The following GRM5 variants were observed in gnomAD, a reference collection of about 807,000 sequenced individuals.
GRM5 encodes the protein glutamate metabotropic receptor 5.
GRM5 carries 19 observed loss-of-function variants against 83.1 expected under a neutral mutation model. The ratio of observed to expected loss-of-function variants is 0.23; its 90% CI spans 0.16 to 0.34. The LOEUF (loss-of-function observed/expected upper bound fraction) is 0.34, where lower values mean the gene tolerates loss of function less well. GRM5 is among the 10% of genes least tolerant of loss of function. GRM5 has a pLI of 1.00. For missense variants in GRM5, 1,160 were observed against 1,588.3 expected, an observed-to-expected ratio of 0.73 and a Z score of 4.58; for synonymous variants, 675 against 633.6, an observed-to-expected ratio of 1.07 and a Z score of -0.98.
chr11:88,619,268 A>C (rs1026185349), intron 4 of GRM5, among the ~76,000 whole-genome samples: 1 of 152,232 alleles, frequency 6.6e-6, no homozygotes, highest in African/African-American at 2.4e-5. Flanking sequence ...GATTTCAGAG[A>C]GCATCTACTT....
At chr11:88,587,731 A>G (rs1943346802) in intron 7 of GRM5, among the ~76,000 whole-genome samples, 1 of 152,112 alleles carries the variant, frequency 6.6e-6, no homozygotes, top group Non-Finnish European at 1.5e-5. Context: ...ATCTCTAAAA[A>G]TGCAAGGTCA....
chr11:89,045,211 T>G (rs1296105543), intron 2 of GRM5, among the ~76,000 whole-genome samples: 1 of 152,178 alleles, frequency 6.6e-6, no homozygotes. Flanking sequence ...TCTTTTGTTT[T>G]CCCACAAATA....
At chr11:88,948,800 CA>C (rs1938363035) in intron 2 of GRM5, among the ~76,000 whole-genome samples, 1 of 151,968 alleles carries the variant, frequency 6.6e-6, no homozygotes, top group Non-Finnish European at 1.5e-5. Context: ...GAAAACAATT[CA>C]AAATGCACAA....
chr11:88,556,296 T>C (rs1279822601), intron 8 of GRM5, among the ~76,000 whole-genome samples: 1 of 151,682 alleles, frequency 6.6e-6, no homozygotes, highest in Non-Finnish European at 1.5e-5. Context: ...TTCATGGATA[T>C]GAACTGTGGG....
At chr11:88,665,968 C>T (rs1181681854) in intron 3 of GRM5, among the ~76,000 whole-genome samples, 1 of 152,018 alleles carries the variant, frequency 6.6e-6, no homozygotes, top group Non-Finnish European at 1.5e-5. Context: ...ACCAGGTGAG[C>T]TTTGAACATT....
intron 3 of GRM5, among the ~76,000 whole-genome samples, chr11:88,812,818 A>G (rs1943610073): frequency 6.6e-6 from 1 of 152,162 alleles, no homozygotes; most frequent in African/African-American, 2.4e-5. Flanking sequence ...TAGAATACTA[A>G]ACATCCAATT....
chr11:88,934,799 A>G (rs1199720420), intron 2 of GRM5, among the ~76,000 whole-genome samples: 1 of 151,928 alleles, frequency 6.6e-6, no homozygotes, highest in Non-Finnish European at 1.5e-5. Context: ...ATAAAAATGC[A>G]TAAGTTAGTG....
chr11:88,618,213 A>G (rs1938535373), intron 4 of GRM5, among the ~76,000 whole-genome samples: 1 of 152,238 alleles, frequency 6.6e-6, no homozygotes, highest in Non-Finnish European at 1.5e-5. Flanking sequence ...TACTTAAAAA[A>G]AAATCAGTAT....
rs187192655 is a variant in GRM5 at position 88,918,492 on chromosome 11, C to G, written c.662-68337G>C. 5.5e-4 allele frequency among the ~76,000 whole-genome samples: 83 copies of G among 151,348 alleles called. 1 individual carries two copies. The highest frequency in any genetic ancestry group is 1.9e-3 in the African/African-American group (80 of 41,354). ...GGATTTCATCCATACCAGATCTTTC[C>G]TAAAGAAAGTTTTTAATCTGAAAGA... On this transcript the variant is annotated intron_variant, in intron 2 of 9. Coordinates refer to ENST00000305447, the MANE Select transcript of GRM5 (RefSeq NM_001143831.3).
rs11021327 is a variant in GRM5, at chr11:88,786,720, A to T, written c.911+63186T>A. ...ATTTTAAAACATCATTCCCACAGACACTTTTTTGATGCCCCTTTCCTGCTT... is the reference window on the plus strand; with the variant it reads ...ATTTTAAAACATCATTCCCACAGACTCTTTTTTGATGCCCCTTTCCTGCTT... On this transcript the variant is annotated intron_variant, in intron 3 of 9. Coordinates refer to ENST00000305447, the MANE Select transcript of GRM5 (RefSeq NM_001143831.3). Among the ~76,000 whole-genome samples, 13 of 152,032 alleles carry T rather than the reference A, an allele frequency of 8.6e-5. No homozygotes were observed. The East Asian group carries it at 2.5e-3, about 29-fold the overall frequency.
At chr11:88,688,432 C>T (rs577066424) in intron 3 of GRM5, among the ~76,000 whole-genome samples, 5 of 152,092 alleles carry the variant, frequency 3.3e-5, no homozygotes, top group African/African-American at 1.2e-4. Flanking sequence ...CCCTATGAAG[C>T]CCAGATAAGA....
intron 2 of GRM5, among the ~76,000 whole-genome samples, chr11:88,980,747 C>T (rs1314784414): frequency 1.3e-5 from 2 of 151,870 alleles, no homozygotes; most frequent in Non-Finnish European, 2.9e-5. Flanking sequence ...GGCATGAACC[C>T]GGGAGGCAGA....
intron 2 of GRM5, among the ~76,000 whole-genome samples, chr11:89,038,465 GGCA>G (rs1941447480): frequency 1.3e-5 from 2 of 152,038 alleles, no homozygotes; most frequent in Non-Finnish European, 2.9e-5. Flanking sequence ...TGCTATTATT[GGCA>G]TCTGAAGGAC....
At chr11:88,780,016 C>T (rs1942941569) in intron 3 of GRM5, among the ~76,000 whole-genome samples, 1 of 152,166 alleles carries the variant, frequency 6.6e-6, no homozygotes, top group African/African-American at 2.4e-5. Context: ...AATGTTCTCC[C>T]CATGCCCTCT....
At chr11:88,748,004 G>T (rs1942179406) in intron 3 of GRM5, among the ~76,000 whole-genome samples, 1 of 152,160 alleles carries the variant, frequency 6.6e-6, no homozygotes, top group South Asian at 2.1e-4. Context: ...AGGAAGAAAA[G>T]TCAGAGGTGA....
intron 2 of GRM5, among the ~76,000 whole-genome samples, chr11:88,987,324 C>A (rs568284106): frequency 6.6e-6 from 1 of 152,286 alleles, no homozygotes; most frequent in African/African-American, 2.4e-5. Context: ...CGGCACACCA[C>A]GAGATTATAT....
At chr11:88,551,944 T>C (rs998382501) in intron 8 of GRM5, among the ~76,000 whole-genome samples, 1 of 152,134 alleles carries the variant, frequency 6.6e-6, no homozygotes, top group Non-Finnish European at 1.5e-5. Context: ...CCTTCTTCTA[T>C]GGTGTGTGAG....
intron 2 of GRM5, among the ~76,000 whole-genome samples, chr11:89,034,987 A>C (rs2135130578): frequency 6.6e-6 from 1 of 151,518 alleles, no homozygotes; most frequent in Non-Finnish European, 1.5e-5. Flanking sequence ...TTTTAACATA[A>C]TATATAATGG....
chr11:88,768,875 A>G (rs1050814434), intron 3 of GRM5, among the ~76,000 whole-genome samples: 1 of 152,050 alleles, frequency 6.6e-6, no homozygotes, highest in African/African-American at 2.4e-5. Context: ...GAAGGTGTGT[A>G]GCCCAGATGA....
Sources: gnomAD v4.1 joint callset for allele counts (sites outside exome capture counted in the v4.1 genomes callset) on GRCh38, gnomAD v4.1.1 for gene constraint, MANE v1.5 for transcripts, NCBI Gene and HGNC (gene_info 2026-07-23, HGNC 2026-07-21) for gene names.